Variants in COPZ2 observed in about 807,000 individuals in gnomAD.
COPZ2 encodes the protein coatomer subunit zeta-2.
A neutral mutation model predicts 33.2 loss-of-function variants in COPZ2; 30 were observed. That is an observed-to-expected ratio of 0.90 (90% CI 0.68 to 1.23). The LOEUF (loss-of-function observed/expected upper bound fraction) is 1.23, where lower values mean the gene tolerates loss of function less well. COPZ2 is among the 50% of genes most tolerant of loss of function. The pLI, the probability that COPZ2 is intolerant of heterozygous loss-of-function variation, is 0.00. For missense variants in COPZ2, 263 were observed against 262.4 expected (o/e 1.00, Z -0.02); for synonymous variants, 89 against 102.6 (o/e 0.87, Z 0.80).
chr17:48,047,963 T>G, the COPZ2 span: 1 of 152,336 alleles, frequency 6.6e-6, no homozygotes, highest in East Asian at 1.9e-4. Flanking sequence ...TACACCTTCC[T>G]ATTCCCTGAC....
At chr17:48,037,963 C>T (rs2037019808), upstream of COPZ2, 1 of 623,610 alleles carries the variant, frequency 1.6e-6, no homozygotes, top group Admixed American at 6.4e-5. The surrounding 1 kb of genome is among the most constrained non-coding windows in gnomAD (Gnocchi z 5.6). Flanking sequence ...CACTTCTCCT[C>T]TCCCTCTCTC....
At chr17:48,040,166 G>C (rs566958375), upstream of COPZ2, among the ~76,000 whole-genome samples, 9 of 121,380 alleles carry the variant, frequency 7.4e-5, no homozygotes, top group East Asian at 2.3e-3. Flanking sequence ...ACAACTCCCA[G>C]GATCAAGCCA....
rs1197317873 is a variant in COPZ2 at position 48,035,725 on chromosome 17, TACAAC to T, written c.186+1121_186+1125del. Reference sequence around the variant, plus strand: ...AGGCATCAGCCACTGCGCCTGGCCTTACAACACATTTCTTTTCTTTTTCTTTTCTT... The same window carrying T: ...AGGCATCAGCCACTGCGCCTGGCCTTACATTTCTTTTCTTTTTCTTTTCTT... On this transcript the variant is annotated intron_variant, in intron 2 of 8. Transcript: ENST00000621465. Among the ~76,000 whole-genome samples, 5 of 151,422 alleles carry T rather than the reference TACAAC, an allele frequency of 3.3e-5. No homozygotes were observed. In the East Asian group the frequency reaches 7.7e-4, roughly 23 times the overall value.
In COPZ2 at chr17:48,037,279, C is replaced by G; in HGVS notation, c.112-354G>C. On this transcript the variant is annotated intron_variant, in intron 1 of 8. Coordinates refer to ENST00000621465, the MANE Select transcript of COPZ2 (RefSeq NM_016429.4). The surrounding 1 kb of genome is among the most constrained non-coding windows in gnomAD (Gnocchi z 5.6). The stretch of plus-strand genomic sequence containing the variant: ...CGAGCCTCCTTCTTCCAGCTGATCC[C>G]TGGCCGGGCTGGACCTGCGCTATCA... 1.9e-6 allele frequency: 1 copy of G among 535,142 alleles called. No individual in the cohort carries two copies. 33.1% of individuals were successfully genotyped at this position (535,142 alleles called of 1,614,324 possible).
intron 4 of COPZ2, 78 bp from the exon 5 acceptor site, chr17:48,032,819 T>G (rs2036914235): frequency 8.4e-7 from 1 of 1,191,232 alleles, no homozygotes; most frequent in East Asian, 2.6e-5. Flanking sequence ...GGAGCCCACC[T>G]GTGCGGGCAG....
At chr17:48,035,283 A>G (rs923882939) in intron 2 of COPZ2, among the ~76,000 whole-genome samples, 2 of 152,206 alleles carry the variant, frequency 1.3e-5, no homozygotes, top group Admixed American at 1.3e-4. Flanking sequence ...AATTTTCTGG[A>G]TGTGGATTTT....
intron 2 of COPZ2, among the ~76,000 whole-genome samples, chr17:48,034,665 G>A (rs374676642): frequency 5.7e-4 from 86 of 152,124 alleles, no homozygotes; most frequent in African/African-American, 1.9e-3. Context: ...CCCATTACAC[G>A]GATGGGGAAA....
At position 48,033,291 on chromosome 17, in the gene COPZ2, A is replaced by C; in HGVS notation, c.280T>G (p.Phe94Val). 3 of 1,611,566 alleles carry C rather than the reference A, an allele frequency of 1.9e-6. No homozygotes were observed. Among genetic ancestry groups the C allele is most frequent in the Non-Finnish European group, 2.5e-6 (3 of 1,178,374 alleles). Residue 94 changes from phenylalanine to valine, a missense_variant, in exon 4 of 9, where the codon TTT (phenylalanine) becomes GTT (valine). Coordinates refer to ENST00000621465, the MANE Select transcript of COPZ2 (RefSeq NM_016429.4). Reference protein sequence around the residue: ...KTSRTESEIAFFGGMTIVYKN... With the variant: ...KTSRTESEIAVFGGMTIVYKN... ...TAGACGATGGTCATACCCCCAAAAAATGCAATCTCACCTAGAAGTGGAGGG... is the reference window on the plus strand; with the variant it reads ...TAGACGATGGTCATACCCCCAAAAACTGCAATCTCACCTAGAAGTGGAGGG...
upstream of COPZ2, among the ~76,000 whole-genome samples, chr17:48,042,807 C>G (rs918292785): frequency 6.6e-6 from 1 of 152,194 alleles, no homozygotes; most frequent in Non-Finnish European, 1.5e-5. Context: ...TAAGTAAATT[C>G]AGAGCCAAGT....
At chr17:48,041,199 T>A (rs1467990916), upstream of COPZ2, among the ~76,000 whole-genome samples, 1 of 151,558 alleles carries the variant, frequency 6.6e-6, no homozygotes, top group Non-Finnish European at 1.5e-5. Flanking sequence ...TACAAATATT[T>A]ATTGAGTGCT....
In COPZ2 at chr17:48,033,263, T is replaced by C; in HGVS notation, c.308A>G (p.Lys103Arg). 2 of 1,613,396 alleles carry C rather than the reference T, an allele frequency of 1.2e-6. No individual in the cohort carries two copies. Among genetic ancestry groups the C allele is most frequent in the Non-Finnish European group, 1.7e-6 (2 of 1,179,604 alleles). ...GTATAGGAAGAGGTCAATGCTGTTC[T>C]TGTAGACGATGGTCATACCCCCAAA... ...AFFGGMTIVYKNSIDLFLYVV... is the reference protein window; with the variant it reads ...AFFGGMTIVYRNSIDLFLYVV... Residue 103 changes from lysine to arginine, a missense_variant, in exon 4 of 9, where the codon AAG becomes AGG. Coordinates refer to ENST00000621465, the MANE Select transcript of COPZ2 (RefSeq NM_016429.4).
Position 48,028,606 on chromosome 17 carries a change from G to T in COPZ2, c.547-96C>A. 8.7e-7 allele frequency: 1 copy of T among 1,145,688 alleles called. No individual in the cohort carries two copies. The highest frequency in any genetic ancestry group is 1.3e-6 in the Non-Finnish European group (1 of 788,110). The allele number at this position is 1,145,688 out of a possible 1,614,324, so 71.0% of individuals were successfully genotyped here. A position where few individuals can be genotyped will look rare whatever the true frequency, so the allele number is the denominator to read the frequency against. On this transcript the variant is annotated intron_variant, in intron 7 of 8. Coordinates refer to ENST00000621465, the MANE Select transcript of COPZ2 (RefSeq NM_016429.4). The surrounding 1 kb of genome is among the most constrained non-coding windows in gnomAD (Gnocchi z 4.5). ...AGGGGCTTGGGGGTATGGGTGAGGT[G>T]GTGCAGTGGTTAGGGTGATTCAGAG...
Position 48,028,492 on chromosome 17 carries a change from T to C in COPZ2, c.565A>G (p.Thr189Ala). The C allele has an allele frequency of 1.9e-6, 3 of 1,609,100 alleles. No homozygotes were observed. Among genetic ancestry groups the C allele is most frequent in the Non-Finnish European group, 2.5e-6 (3 of 1,177,864 alleles). ...CCTACCTGGGCCACACTCTGTTCAG[T>C]CAAGCCGCCATCATCTGCCTGTAAG... is the stretch of plus-strand genomic sequence containing the variant. ...VNFRADDGGL[T>A]EQSVAQVLQS... The change falls in exon 8 of 9, where the codon ACT becomes GCT. Residue 189 changes from threonine (T) to alanine (A), a missense_variant. Transcript: ENST00000621465. The surrounding 1 kb of genome is among the most constrained non-coding windows in gnomAD (Gnocchi z 4.5).
chr17:48,042,119 TTGC>T, upstream of COPZ2, among the ~76,000 whole-genome samples: 1 of 152,150 alleles, frequency 6.6e-6, no homozygotes, highest in Middle Eastern at 3.4e-3. Context: ...ATCACTGTTG[TTGC>T]TTTTTCTTTT....
chr17:48,029,678 T>C (rs1055022943), intron 6 of COPZ2, among the ~76,000 whole-genome samples: 2 of 152,054 alleles, frequency 1.3e-5, no homozygotes, highest in Non-Finnish European at 1.5e-5. Flanking sequence ...CCTTTTTTTT[T>C]TTTTTTAAGG....
chr17:48,047,244 G>A, the COPZ2 span: 3 of 152,280 alleles, frequency 2.0e-5, no homozygotes, highest in Admixed American at 6.5e-5. Context: ...AGACACAGTT[G>A]AGTTGACACC....
chr17:48,041,879 C>T (rs2037065746), upstream of COPZ2, among the ~76,000 whole-genome samples: 1 of 150,234 alleles, frequency 6.7e-6, no homozygotes, highest in Non-Finnish European at 1.5e-5. Flanking sequence ...TTCTCAGCCT[C>T]TGTTTGGCTA....
At chr17:48,030,761 C>T (rs764302382) in intron 6 of COPZ2, among the ~76,000 whole-genome samples, 4 of 152,226 alleles carry the variant, frequency 2.6e-5, no homozygotes, top group Non-Finnish European at 5.9e-5. Flanking sequence ...AGACGGGAAG[C>T]TTGTGAAGCT....
At position 48,037,340 on chromosome 17, in the gene COPZ2, A is replaced by G; in HGVS notation, c.111+327T>C. On this transcript the variant is annotated intron_variant, in intron 1 of 8. Transcript: ENST00000621465. This position sits in a 1 kb window ranked among gnomAD's most constrained non-coding sequence, Gnocchi z 5.6. ...AGGCCCTGGCCCGGGTAGACTCCAG[A>G]AGCATGCCCATCACCCACCGGTGAT... The G allele has an allele frequency of 5.2e-6, 2 of 386,594 alleles. No individual in the cohort carries two copies. The highest frequency in any genetic ancestry group is 1.0e-5 in the Non-Finnish European group (2 of 200,644). The allele number at this position is 386,594 out of a possible 1,614,324, so 23.9% of individuals were successfully genotyped here. A position where few individuals can be genotyped will look rare whatever the true frequency, so the allele number is the denominator to read the frequency against.
Sources: allele counts gnomAD v4.1 joint callset (sites outside exome capture counted in the v4.1 genomes callset), GRCh38; gene constraint gnomAD v4.1.1; non-coding constraint Gnocchi (gnomAD v3.1); transcripts MANE v1.5; gene names NCBI Gene and HGNC (gene_info 2026-07-23, HGNC 2026-07-21).